The following TBC1D22A variants were observed in gnomAD, a reference collection of about 807,000 sequenced individuals.
TBC1D22A encodes putative GTPase activator.
In TBC1D22A, 38 loss-of-function variants were observed where a neutral mutation model predicts 60.2. The observed-to-expected ratio is 0.63, with a 90% CI of 0.49 to 0.83. TBC1D22A has a LOEUF of 0.83. Ranked by LOEUF, TBC1D22A falls within the 40% of genes least tolerant of loss-of-function variation. The pLI is 0.00. For synonymous variants in TBC1D22A, 302 were observed against 281.7 expected (o/e 1.07, Z -0.72); for missense variants, 628 against 701.0 (o/e 0.90, Z 1.18).
rs5767376 is a variant in TBC1D22A, at chr22:46,855,779, G to A, written c.638-22874G>A. On this transcript the variant is annotated intron_variant, in intron 4 of 12. Transcript: ENST00000337137. ...GTTCTTGACTGTCACAGGGTCTTTC[G>A]TTGCCATCCGAGCCTTTCTTCTATG... Among the ~76,000 whole-genome samples, 175 of 152,298 alleles carry A rather than the reference G, an allele frequency of 1.1e-3. 2 individuals are homozygous for A. The East Asian group carries it at 0.016, about 14-fold the overall frequency.
intron 11 of TBC1D22A, among the ~76,000 whole-genome samples, chr22:47,056,216 G>A (rs531298024): frequency 2.0e-5 from 3 of 152,078 alleles, no homozygotes; most frequent in Non-Finnish European, 4.4e-5. Flanking sequence ...CTCCCCAGCC[G>A]TGGTGTAGAC....
chr22:46,865,974 A>G (rs1427796228), intron 4 of TBC1D22A, among the ~76,000 whole-genome samples: 1 of 152,244 alleles, frequency 6.6e-6, no homozygotes, highest in African/African-American at 2.4e-5. Context: ...TGTTGGAATG[A>G]CCACCATATG....
intron 12 of TBC1D22A, among the ~76,000 whole-genome samples, chr22:47,170,608 T>C (rs2017931): frequency 0.59 from 76,879 of 129,440 alleles, 23,490 homozygotes; most frequent in East Asian, 0.73. Context: ...AAGACGGTCC[T>C]GGTGTGTAAC....
intron 8 of TBC1D22A, among the ~76,000 whole-genome samples, chr22:46,925,800 A>G (rs543901265): frequency 1.1e-4 from 16 of 152,208 alleles, no homozygotes; most frequent in Non-Finnish European, 2.4e-4. Flanking sequence ...AATAAACAAC[A>G]CAGAAAACCA....
At chr22:46,981,147 AAG>A (rs1448601211) in intron 9 of TBC1D22A, among the ~76,000 whole-genome samples, 4 of 152,232 alleles carry the variant, frequency 2.6e-5, no homozygotes, top group African/African-American at 9.6e-5. Flanking sequence ...CCTAGAGACA[AAG>A]AGTATCACTG....
intron 4 of TBC1D22A, among the ~76,000 whole-genome samples, chr22:46,831,155 G>T (rs189062229): frequency 6.6e-6 from 1 of 152,194 alleles, no homozygotes; most frequent in South Asian, 2.1e-4. Flanking sequence ...CACCCAGTGG[G>T]CTCTTGTCAG....
intron 8 of TBC1D22A, among the ~76,000 whole-genome samples, chr22:46,916,416 G>A (rs1392895090): frequency 6.6e-6 from 1 of 152,260 alleles, no homozygotes; most frequent in African/African-American, 2.4e-5. Context: ...CATCCCAGCA[G>A]TCCTCGTGGA....
chr22:46,946,531 A>T (rs1390506753), intron 8 of TBC1D22A, among the ~76,000 whole-genome samples: 3 of 152,190 alleles, frequency 2.0e-5, no homozygotes, highest in African/African-American at 7.2e-5. Flanking sequence ...TGTAAGATCC[A>T]AGGGCACAGG....
chr22:47,095,464 C>T (rs540650453), intron 11 of TBC1D22A, among the ~76,000 whole-genome samples: 3 of 152,200 alleles, frequency 2.0e-5, no homozygotes, highest in Non-Finnish European at 4.4e-5. Flanking sequence ...TGCCTTAGTT[C>T]CTACATTTTA....
chr22:46,766,196 A>G (rs1205256079), intron 1 of TBC1D22A, among the ~76,000 whole-genome samples: 1 of 151,816 alleles, frequency 6.6e-6, no homozygotes, highest in African/African-American at 2.4e-5. Context: ...ACGGGGTTTC[A>G]CCGTGCTAGC....
chr22:46,851,104 C>T (rs76645237), intron 4 of TBC1D22A, among the ~76,000 whole-genome samples: 12,064 of 152,208 alleles, frequency 0.079, 654 homozygotes, highest in Non-Finnish European at 0.12. Context: ...TACTGGAAAC[C>T]ACTGAGTCCC....
chr22:46,985,806 G>T (rs2074701571), intron 9 of TBC1D22A, among the ~76,000 whole-genome samples: 1 of 152,178 alleles, frequency 6.6e-6, no homozygotes, highest in East Asian at 1.9e-4. Context: ...GTTCCCCACA[G>T]GGTCTTCATT....
chr22:47,078,384 G>A (rs2064314661), intron 11 of TBC1D22A, among the ~76,000 whole-genome samples: 1 of 152,210 alleles, frequency 6.6e-6, no homozygotes, highest in East Asian at 1.9e-4. Flanking sequence ...TTGCAATCGT[G>A]TATGCAAGTG....
chr22:46,825,562 C>T (rs148240460), intron 4 of TBC1D22A, among the ~76,000 whole-genome samples: 1,675 of 152,350 alleles, frequency 0.011, 26 homozygotes, highest in Middle Eastern at 0.044. Flanking sequence ...CAAACGCTGC[C>T]TCCCAGGTTC....
At chr22:46,819,414 C>G (rs915247212) in intron 4 of TBC1D22A, among the ~76,000 whole-genome samples, 4 of 152,054 alleles carry the variant, frequency 2.6e-5, no homozygotes, top group African/African-American at 9.7e-5. Context: ...TCCATCAATA[C>G]CTAGTTTATT....
intron 8 of TBC1D22A, among the ~76,000 whole-genome samples, chr22:46,967,763 C>T (rs537189543): frequency 5.3e-4 from 80 of 152,046 alleles, no homozygotes; most frequent in African/African-American, 1.7e-3. Context: ...TTTTTGTTTT[C>T]GAGAACCCCC....
At chr22:47,118,765 T>A (rs948878000) in intron 12 of TBC1D22A, among the ~76,000 whole-genome samples, 1 of 150,118 alleles carries the variant, frequency 6.7e-6, no homozygotes, top group Non-Finnish European at 1.5e-5. Flanking sequence ...AACATAGTCC[T>A]CCTCTGTGTT....
intron 1 of TBC1D22A, among the ~76,000 whole-genome samples, chr22:46,789,705 A>G (rs980651515): frequency 6.6e-6 from 1 of 152,222 alleles, no homozygotes; most frequent in African/African-American, 2.4e-5. Flanking sequence ...TAATATTTTA[A>G]CGTTAAAGAT....
intron 9 of TBC1D22A, among the ~76,000 whole-genome samples, chr22:46,996,704 A>T (rs1365813360): frequency 6.6e-6 from 1 of 152,220 alleles, no homozygotes; most frequent in Non-Finnish European, 1.5e-5. Flanking sequence ...CCCAAAGGGC[A>T]GCCTCCATAG....
Sources: gnomAD v4.1 joint callset for allele counts (sites outside exome capture counted in the v4.1 genomes callset) on GRCh38, gnomAD v4.1.1 for gene constraint, MANE v1.5 for transcripts, NCBI Gene and HGNC (gene_info 2026-07-23, HGNC 2026-07-21) for gene names.